XPC: variants seen among roughly 807,000 people sequenced by gnomAD.
The protein encoded by XPC is XPC complex subunit, DNA damage recognition and repair factor.
XPC carries 76 observed loss-of-function variants against 95.8 expected under a neutral mutation model. That is an observed-to-expected ratio of 0.79 (90% CI 0.66 to 0.96). The LOEUF (loss-of-function observed/expected upper bound fraction) is 0.96, where lower values mean the gene tolerates loss of function less well. XPC is among the 40% of genes least tolerant of loss of function. The pLI is 0.00. For missense variants in XPC, 1,146 were observed against 1,179.8 expected, an observed-to-expected ratio of 0.97 and a Z score of 0.42; for synonymous variants, 442 against 442.1, an observed-to-expected ratio of 1.00 and a Z score of 0.00.
At position 14,152,400 on chromosome 3, in the gene XPC, G is replaced by C; in HGVS notation, c.2050C>G (p.Leu684Val). Residue 684 changes from leucine to valine, a missense_variant, in exon 11 of 16, where the codon CTG becomes GTG. By Grantham distance (32) the Leu-to-Val change is conservative. Coordinates refer to ENST00000285021, the MANE Select transcript of XPC (RefSeq NM_004628.5). The stretch of plus-strand genomic sequence containing the variant: ...TTCAGCCACGTGTCCCTGGAATGCA[G>C]AGTGTGCACACAATCCCTGTGGAAC... ...AVYSRDCVHT[L>V]HSRDTWLKKA... 6.2e-7 allele frequency: 1 copy of C among 1,612,442 alleles called. No individual in the cohort carries two copies. Among genetic ancestry groups the C allele is most frequent in the Non-Finnish European group, 8.5e-7 (1 of 1,179,256 alleles).
At position 14,168,370 on chromosome 3, in the gene XPC, C is replaced by T; in HGVS notation, c.423G>A (p.Glu141=). ...NDWEEVEELS[E]PVLGDVREST... ...TTTCTCTCACGTCACCCAGCACAGG[C>T]TCACTAAGTTCTATCAACAAGCATT... The change falls in exon 4 of 16, where the codon GAG becomes GAA. Residue 141 remains glutamate, a synonymous_variant. Coordinates refer to ENST00000285021, the MANE Select transcript of XPC (RefSeq NM_004628.5). 6.2e-7 allele frequency: 1 copy of T among 1,613,852 alleles called. No homozygotes were observed. Among genetic ancestry groups the T allele is most frequent in the Non-Finnish European group, 8.5e-7 (1 of 1,179,840 alleles).
At chr3:14,162,050 C>T (rs1009407970) in intron 7 of XPC, among the ~76,000 whole-genome samples, 8 of 151,958 alleles carry the variant, frequency 5.3e-5, no homozygotes, top group African/African-American at 1.9e-4. Flanking sequence ...ATGCTATTTC[C>T]AAGAGCATCA....
chr3:14,155,683 C>T (rs1292260289), intron 10 of XPC, among the ~76,000 whole-genome samples: 8 of 151,978 alleles, frequency 5.3e-5, no homozygotes, highest in Non-Finnish European at 8.8e-5. Flanking sequence ...TCAGCCTCTC[C>T]GAGTCGCTGG....
At position 14,157,877 on chromosome 3, in the gene XPC, T is replaced by C. The variant is rs1695982185; in HGVS notation, c.1872+134A>G. 7.0e-6 allele frequency: 9 copies of C among 1,291,632 alleles called. No individual in the cohort carries two copies. The South Asian group carries it at 1.4e-4, about 20-fold the overall frequency. 80.0% of individuals were successfully genotyped at this position (1,291,632 alleles called of 1,614,324 possible). ...AGGCAGCAACTGCCCCAGCTTTATA[T>C]GGCTGTGACAATTAAATGAGACAAC... On this transcript the variant is annotated intron_variant, in intron 9 of 15. Coordinates refer to ENST00000285021, the MANE Select transcript of XPC (RefSeq NM_004628.5).
intron 1 of XPC, among the ~76,000 whole-genome samples, chr3:14,177,179 A>G (rs998305216): frequency 3.9e-5 from 6 of 152,236 alleles, no homozygotes; most frequent in African/African-American, 1.2e-4. Context: ...ACAGATGAAT[A>G]TATTTCGGGA....
rs1271570786 is a variant in XPC, at chr3:14,158,265, C to T, written c.1618G>A (p.Glu540Lys). ...QWLEVFCEQE[E>K]KWVCVDCVHG... ...ACACAGTCTACACATACCCACTTTT[C>T]CTCCTGCTCACAGAACACCTCTAGC... Residue 540 changes from glutamate to lysine, a missense_variant, in exon 9 of 16, where the codon GAA becomes AAA. Transcript: ENST00000285021. This position sits in a 1 kb window ranked among gnomAD's most constrained non-coding sequence, Gnocchi z 5.2. 4 of 1,614,046 alleles carry T rather than the reference C, an allele frequency of 2.5e-6. No homozygotes were observed. In the East Asian group the frequency reaches 8.9e-5, roughly 36 times the overall value.
rs771997016 is a variant in XPC at position 14,148,964 on chromosome 3, C to T, written c.2116-16G>A. On this transcript the variant is annotated splice_polypyrimidine_tract_variant and intron_variant, in intron 11 of 15. Coordinates refer to ENST00000285021, the MANE Select transcript of XPC (RefSeq NM_004628.5). Reference sequence around the variant, plus strand: ...CTTTCACCATCTGCACCAGAGGACACGGCCACCGTTTACAACAAAGGCATC... The same window carrying T: ...CTTTCACCATCTGCACCAGAGGACATGGCCACCGTTTACAACAAAGGCATC... 21 of 1,613,570 alleles carry T rather than the reference C, an allele frequency of 1.3e-5. No individual in the cohort carries two copies. Among genetic ancestry groups the T allele is most frequent in the African/African-American group, 2.7e-5 (2 of 74,926 alleles).
chr3:14,160,242 A>G (rs1263265317), intron 7 of XPC, among the ~76,000 whole-genome samples: 1 of 152,206 alleles, frequency 6.6e-6, no homozygotes, highest in Admixed American at 6.5e-5. Flanking sequence ...GTTTGTGACT[A>G]AAATAATAAA....
At chr3:14,174,723 T>C (rs1214144896) in intron 1 of XPC, among the ~76,000 whole-genome samples, 1 of 152,182 alleles carries the variant, frequency 6.6e-6, no homozygotes, top group Non-Finnish European at 1.5e-5. Context: ...CGATATATGA[T>C]GTAATGTTAC....
At chr3:14,146,360 G>A (rs1279757502) in intron 15 of XPC, among the ~76,000 whole-genome samples, 4 of 152,068 alleles carry the variant, frequency 2.6e-5, no homozygotes, top group Admixed American at 1.3e-4. Context: ...AGCAGACACT[G>A]GAGCACCTGC....
At chr3:14,175,980 G>T (rs969758718) in intron 1 of XPC, among the ~76,000 whole-genome samples, 1 of 152,186 alleles carries the variant, frequency 6.6e-6, no homozygotes, top group African/African-American at 2.4e-5. Flanking sequence ...CGTTTAGGCT[G>T]AATGACACCA....
chr3:14,168,155 T>C (rs1430998545), intron 4 of XPC, 102 bp downstream of exon 4: 10 of 1,425,072 alleles, frequency 7.0e-6, no homozygotes, highest in Non-Finnish European at 1.8e-6. Context: ...ACCACTTTGA[T>C]ACTCAGTCCT....
Position 14,173,061 on chromosome 3 carries a change from A to T in XPC, c.105T>A (p.Asp35Glu), listed in dbSNP as rs202128104. Residue 35 changes from aspartate (D) to glutamate (E), a missense_variant and splice_region_variant, in exon 2 of 16, where the codon GAT (aspartate) becomes GAA (glutamate). Coordinates refer to ENST00000285021, the MANE Select transcript of XPC (RefSeq NM_004628.5). ...TTGGGGGTTTCTCATCTTCAAAGGC[A>T]TCTAGGTGACAACACAGAACATAAG... ...SKARREEEEE[D>E]AFEDEKPPKK... 112 of 1,571,444 alleles carry T rather than the reference A, an allele frequency of 7.1e-5. 1 individual carries two copies. The East Asian group carries it at 2.5e-3, about 35-fold the overall frequency.
In XPC at chr3:14,158,044, T is replaced by A; in HGVS notation, c.1839A>T (p.Pro613=). Residue 613 remains proline (P), a synonymous_variant, in exon 9 of 16, where the codon CCA becomes CCT. Transcript: ENST00000285021. This position sits in a 1 kb window ranked among gnomAD's most constrained non-coding sequence, Gnocchi z 5.2. ...WAETLRPYQS[P]FMDREKKEDL... is the part of the protein sequence containing the mutation. ...CTTCTTTCTTCTCCCTGTCCATAAATGGGCTCTGGTATGGTCTCAAGGTCT... is the reference window on the plus strand; with the variant it reads ...CTTCTTTCTTCTCCCTGTCCATAAAAGGGCTCTGGTATGGTCTCAAGGTCT... 1 of 1,603,264 alleles carries A rather than the reference T, an allele frequency of 6.2e-7. No individual in the cohort carries two copies. The highest frequency in any genetic ancestry group is 8.5e-7 in the Non-Finnish European group (1 of 1,170,760).
chr3:14,178,400 C>T (rs1696928590), intron 1 of XPC, 66 bp downstream of exon 1: 1 of 1,513,366 alleles, frequency 6.6e-7, no homozygotes, highest in South Asian at 1.3e-5. Context: ...GACTCCCGCC[C>T]TGCCTCTGGG....
intron 9 of XPC, 115 bp from the exon 10 acceptor site, chr3:14,156,610 CAT>C (rs1170619498): frequency 3.9e-5 from 55 of 1,412,590 alleles, no homozygotes; most frequent in Non-Finnish European, 4.0e-5. Context: ...GCCAAGGTTT[CAT>C]GAACACTAAT....
At chr3:14,163,294 A>C (rs1273396729) in intron 7 of XPC, among the ~76,000 whole-genome samples, 1 of 152,244 alleles carries the variant, frequency 6.6e-6, no homozygotes, top group Non-Finnish European at 1.5e-5. Context: ...GTAAATAAAT[A>C]TATGTATAGA....
At position 14,168,295 on chromosome 3, in the gene XPC, C is replaced by G; in HGVS notation, c.498G>C (p.Glu166Asp). The change falls in exon 4 of 16, where the codon GAG becomes GAC. Residue 166 changes from glutamate (E) to aspartate (D), a missense_variant. By Grantham distance (45) the Glu-to-Asp change is conservative. Coordinates refer to ENST00000285021, the MANE Select transcript of XPC (RefSeq NM_004628.5). ...SLLPVKPVEI[E>D]IETPEQAKTR... ...TCTTCGCCTGCTCTGGCGTTTCAAT[C>G]TCTATCTCCACTGGCTTCACAGGCA... 1 of 1,613,780 alleles carries G rather than the reference C, an allele frequency of 6.2e-7. No individual in the cohort carries two copies. The highest frequency in any genetic ancestry group is 8.5e-7 in the Non-Finnish European group (1 of 1,179,850).
At chr3:14,163,506 C>T (rs774844035) in intron 7 of XPC, among the ~76,000 whole-genome samples, 21 of 152,272 alleles carry the variant, frequency 1.4e-4, no homozygotes, top group Non-Finnish European at 2.5e-4. Context: ...GAAAAGGCCA[C>T]ATAGTGTATA....
Sources: allele counts gnomAD v4.1 joint callset (sites outside exome capture counted in the v4.1 genomes callset), GRCh38; gene constraint gnomAD v4.1.1; non-coding constraint Gnocchi (gnomAD v3.1); transcripts MANE v1.5; gene names NCBI Gene and HGNC (gene_info 2026-07-23, HGNC 2026-07-21).